Variants in STS observed in about 807,000 individuals in gnomAD.
STS encodes steryl-sulfatase.
In STS, 7 loss-of-function variants were observed where a neutral mutation model predicts 26.8. The ratio of observed to expected loss-of-function variants is 0.26; its 90% CI spans 0.15 to 0.49. The LOEUF is 0.49. Among genes scored for constraint, STS ranks in the 20% least tolerant of loss-of-function variants. The pLI is 0.98. For synonymous variants in STS, 199 were observed against 189.4 expected, an observed-to-expected ratio of 1.05 and a Z score of -0.42; for missense variants, 434 against 465.6, an observed-to-expected ratio of 0.93 and a Z score of 0.63.
chrX:7,337,358 A>C (rs1601758873), intron 10 of STS, among the ~76,000 whole-genome samples: 1 of 112,213 alleles, frequency 8.9e-6, no homozygotes, highest in East Asian at 2.8e-4. Flanking sequence ...AGGCACTGCT[A>C]GCTGTACAAT....
chrX:7,217,365 A>G (rs1921351095), intron 2 of STS, among the ~76,000 whole-genome samples: 1 of 111,815 alleles, frequency 8.9e-6, no homozygotes, highest in African/African-American at 3.3e-5. Flanking sequence ...TCAGACAGCT[A>G]TGATATAAGA....
chrX:7,325,761 C>T (rs1340892088), intron 9 of STS, among the ~76,000 whole-genome samples: 2 of 112,031 alleles, frequency 1.8e-5, no homozygotes, highest in African/African-American at 6.5e-5. Flanking sequence ...AAAGTATGGG[C>T]AGTGTGTAGA....
chrX:7,220,641 C>T (rs905212537), intron 2 of STS, among the ~76,000 whole-genome samples: 4 of 105,095 alleles, frequency 3.8e-5, no homozygotes, highest in African/African-American at 7.0e-5. Context: ...CTCCACCTCC[C>T]GGGTTCACGC....
chrX:7,212,843 C>A (rs1009325138), intron 2 of STS, among the ~76,000 whole-genome samples: 6 of 112,095 alleles, frequency 5.4e-5, no homozygotes, highest in Admixed American at 4.7e-4. Context: ...AATGCAGTTC[C>A]TGTTGAAAAT....
chrX:7,158,543 C>A (rs1019109902), intron 1 of STS, among the ~76,000 whole-genome samples: 8 of 111,623 alleles, frequency 7.2e-5, no homozygotes, highest in Non-Finnish European at 1.1e-4. Context: ...GAGAGAAGAA[C>A]AAACCTTCTG....
In STS at chrX:7,352,013, G is replaced by A. The variant is rs1240843195; in HGVS notation, c.*1752G>A. 2.7e-5 allele frequency: 3 copies of A among 109,965 alleles called. No homozygotes were observed. Among genetic ancestry groups the A allele is most frequent in the African/African-American group, 9.9e-5 (3 of 30,223 alleles). 9.1% of individuals were successfully genotyped at this position (109,965 alleles called of 1,213,427 possible). A position where few individuals can be genotyped will look rare whatever the true frequency, so the allele number is the denominator to read the frequency against. ...CTCCAGAGTTGTTGAAAGCTGAAAA[G>A]CATACAAGATTCTTCCTTTTAACTT... On this transcript the variant is annotated 3_prime_UTR_variant, in exon 11 of 11. Coordinates refer to ENST00000674429, the MANE Select transcript of STS (RefSeq NM_001320752.2).
intron 2 of STS, among the ~76,000 whole-genome samples, chrX:7,214,981 C>CGTAT (rs1569191514): frequency 1.3e-4 from 5 of 37,713 alleles, no homozygotes; most frequent in Admixed American, 1.0e-3. Context: ...TGTATATATA[C>CGTAT]ATATATATAC....
intron 2 of STS, among the ~76,000 whole-genome samples, chrX:7,212,813 A>T (rs1249029167): frequency 1.8e-5 from 2 of 112,410 alleles, no homozygotes; most frequent in Non-Finnish European, 3.8e-5. Flanking sequence ...ATTAAATTTT[A>T]TGCTTGCTGT....
At chrX:7,301,832 C>A (rs1925979593) in intron 7 of STS, among the ~76,000 whole-genome samples, 1 of 112,053 alleles carries the variant, frequency 8.9e-6, no homozygotes, top group Non-Finnish European at 1.9e-5. Context: ...TTCAGATTGA[C>A]TCCTTTCACT....
chrX:7,262,404 T>C (rs765242006), intron 6 of STS, among the ~76,000 whole-genome samples: 1 of 111,189 alleles, frequency 9.0e-6, no homozygotes, highest in African/African-American at 3.3e-5. Context: ...GGTCAGCATG[T>C]AGACCAGGCC....
intron 6 of STS, among the ~76,000 whole-genome samples, chrX:7,267,477 T>G (rs942058124): frequency 5.3e-5 from 6 of 112,353 alleles, no homozygotes; most frequent in Admixed American, 9.5e-5. Context: ...GTGGGTAGAA[T>G]GAGATTCATG....
At chrX:7,324,549 T>C (rs1206989792) in intron 8 of STS, among the ~76,000 whole-genome samples, 2 of 111,760 alleles carry the variant, frequency 1.8e-5, no homozygotes, top group Admixed American at 9.5e-5. Context: ...ACTACTTCAA[T>C]TTCTATCAGG....
At chrX:7,202,932 C>T (rs1934099915) in intron 2 of STS, among the ~76,000 whole-genome samples, 1 of 110,983 alleles carries the variant, frequency 9.0e-6, no homozygotes, top group South Asian at 3.9e-4. Context: ...CTATCTCTCT[C>T]TATCCATCTC....
chrX:7,216,472 G>A (rs990349582), intron 2 of STS, among the ~76,000 whole-genome samples: 2 of 112,376 alleles, frequency 1.8e-5, no homozygotes, highest in Non-Finnish European at 3.8e-5. Context: ...AAACACTCTA[G>A]GTCTGCAAGC....
chrX:7,224,246 A>G (rs1921705423), intron 2 of STS, among the ~76,000 whole-genome samples: 1 of 111,642 alleles, frequency 9.0e-6, no homozygotes, highest in South Asian at 3.8e-4. Context: ...AGCAGGAATT[A>G]AAATGTAATG....
rs1477705179 is a variant in STS at position 7,352,852 on chromosome X, G to A, written c.*2591G>A. ...CAGGAAAAGCAAAATTGCAATCTAC[G>A]TATCTATGGTACTAAGGAAGTCCTG... On this transcript the variant is annotated 3_prime_UTR_variant, in exon 11 of 11. Coordinates refer to ENST00000674429, the MANE Select transcript of STS (RefSeq NM_001320752.2). 4 of 110,570 alleles carry A rather than the reference G, an allele frequency of 3.6e-5. No individual in the cohort carries two copies. Among genetic ancestry groups the A allele is most frequent in the African/African-American group, 9.8e-5 (3 of 30,462 alleles). 9.1% of individuals were successfully genotyped at this position (110,570 alleles called of 1,213,427 possible).
chrX:7,239,631 G>C (rs1479703568), intron 2 of STS, among the ~76,000 whole-genome samples: 2 of 111,196 alleles, frequency 1.8e-5, no homozygotes, highest in African/African-American at 3.3e-5. Context: ...GCCAAATTAA[G>C]TTTGTTCAGA....
chrX:7,217,720 T>C (rs2043710465), intron 2 of STS, among the ~76,000 whole-genome samples: 1 of 111,125 alleles, frequency 9.0e-6, no homozygotes, highest in Admixed American at 9.6e-5. Context: ...CTGCCCCAGG[T>C]ATTTGTAGAG....
intron 1 of STS, among the ~76,000 whole-genome samples, chrX:7,149,275 G>C (rs1479674873): frequency 9.0e-6 from 1 of 111,290 alleles, no homozygotes; most frequent in African/African-American, 3.3e-5. Flanking sequence ...AAACATGAGA[G>C]TGTATTTCTA....
Sources: allele counts gnomAD v4.1 joint callset (sites outside exome capture counted in the v4.1 genomes callset), GRCh38; gene constraint gnomAD v4.1.1; transcripts MANE v1.5; gene names NCBI Gene and HGNC (gene_info 2026-07-23, HGNC 2026-07-21).